Variants in NBPF11 observed in about 807,000 individuals in gnomAD.
The protein encoded by NBPF11 is NBPF family member NBPF11.
Under a neutral mutation model 93.9 loss-of-function variants are expected in NBPF11, and 72 were observed. That is an observed-to-expected ratio of 0.77 (90% confidence interval 0.63 to 0.93). The LOEUF (loss-of-function observed/expected upper bound fraction) is 0.93. Among genes scored for constraint, NBPF11 ranks in the 40% least tolerant of loss-of-function variants. The pLI is 0.00. For missense variants in NBPF11, 705 were observed against 802.2 expected (o/e 0.88, Z 1.46); for synonymous variants, 224 against 304.9 (o/e 0.73, Z 2.76).
chr1:148,151,123 G>C (rs1648206543), intron 1 of NBPF11, among the ~76,000 whole-genome samples: 1 of 151,914 alleles, frequency 6.6e-6, no homozygotes, highest in Non-Finnish European at 1.5e-5. Flanking sequence ...AAGACAGACA[G>C]GCACAGAAAA....
Position 148,103,414 on chromosome 1 carries a change from C to G in NBPF11, c.*482G>C. On this transcript the variant is annotated 3_prime_UTR_variant, in exon 24 of 24. Coordinates refer to ENST00000682118, the MANE Select transcript of NBPF11 (RefSeq NM_001385469.3). ...TGTAGCTACCCAGAGATACGTGGTT[C>G]AAATTAAAATGTCCGACTGATCACT... The G allele has an allele frequency of 1.8e-6, 1 of 569,280 alleles. No homozygotes were observed. The highest frequency in any genetic ancestry group is 5.0e-4 in the Middle Eastern group (1 of 1,982). 35.3% of individuals were successfully genotyped at this position (569,280 alleles called of 1,614,324 possible).
intron 4 of NBPF11, among the ~76,000 whole-genome samples, chr1:148,131,650 CAG>C (rs1473593752): frequency 0.012 from 1,048 of 90,688 alleles, no homozygotes; most frequent in African/African-American, 0.048. Context: ...TAACCAGTTG[CAG>C]AAGTCAAAAC....
chr1:148,123,328 C>G (rs1213174644), intron 7 of NBPF11, among the ~76,000 whole-genome samples: 2 of 152,244 alleles, frequency 1.3e-5, no homozygotes, highest in African/African-American at 2.4e-5. Flanking sequence ...ACATCAAGTG[C>G]CTTCTCCAAC....
chr1:148,149,374 G>A, intron 1 of NBPF11: 1 of 1,595,472 alleles, frequency 6.3e-7, no homozygotes, highest in Non-Finnish European at 8.5e-7. Context: ...CGTCTCCCGT[G>A]CTCATCATCC....
At chr1:148,125,194 G>A (rs1668815787) in intron 5 of NBPF11, among the ~76,000 whole-genome samples, 193 bp from the exon 6 acceptor site, 2 of 151,782 alleles carry the variant, frequency 1.3e-5, no homozygotes, top group Non-Finnish European at 2.9e-5. Context: ...ATTTAAAGAC[G>A]AAGAAAGAGA....
At chr1:148,125,852 C>G (rs1394097879) in intron 5 of NBPF11, among the ~76,000 whole-genome samples, 1 of 151,892 alleles carries the variant, frequency 6.6e-6, no homozygotes, top group Non-Finnish European at 1.5e-5. Context: ...GGCTGAGGGT[C>G]CCTGCTTTGC....
At chr1:148,117,156 T>C (rs1316062212) in intron 12 of NBPF11, among the ~76,000 whole-genome samples, 2 of 151,870 alleles carry the variant, frequency 1.3e-5, no homozygotes, top group Non-Finnish European at 2.9e-5. Flanking sequence ...AGACAATTTG[T>C]CTGCCATGGA....
intron 14 of NBPF11, among the ~76,000 whole-genome samples, 179 bp downstream of exon 14, chr1:148,115,614 G>T (rs1666332385): frequency 6.6e-6 from 1 of 151,784 alleles, no homozygotes; most frequent in African/African-American, 2.4e-5. Flanking sequence ...ACTTGATACT[G>T]GGGACTGGCA....
intron 15 of NBPF11, among the ~76,000 whole-genome samples, chr1:148,114,080 CA>C (rs1407632852): frequency 1.5e-5 from 2 of 132,376 alleles, no homozygotes; most frequent in African/African-American, 5.9e-5. Flanking sequence ...CAAACAAATT[CA>C]AAAGCTAGCA....
Position 148,110,401 on chromosome 1 carries a change from A to G in NBPF11, c.1778T>C (p.Val593Ala). 6.3e-7 allele frequency: 1 copy of G among 1,593,300 alleles called. No individual in the cohort carries two copies. Among genetic ancestry groups the G allele is most frequent in the South Asian group, 1.1e-5 (1 of 90,632 alleles). The change falls in exon 16 of 24, where the codon GTC becomes GCC. Residue 593 changes from valine (V) to alanine (A), a missense_variant. Physicochemically the swap from Val to Ala is moderately conservative, Grantham distance 64. Around this residue, in one of 12 missense-constraint regions of NBPF11, gnomAD observed 19 missense variants for 16.3 expected, o/e 1.17. Coordinates refer to ENST00000682118, the MANE Select transcript of NBPF11 (RefSeq NM_001385469.3). ...STFHSLEEQQ[V>A]CMAVDIGRHR... is the part of the protein sequence containing the mutation. The stretch of plus-strand genomic sequence containing the variant: ...ACTGCCTATGTCAACAGCCATGCAG[A>G]CTTGCTGTTCCTCTAATGAGTGAAA...
intron 19 of NBPF11, among the ~76,000 whole-genome samples, 189 bp from the exon 20 acceptor site, chr1:148,107,303 A>G (rs1663919389): frequency 6.7e-6 from 1 of 149,838 alleles, no homozygotes; most frequent in African/African-American, 2.5e-5. Context: ...AAAGAGAAAG[A>G]CAGGGAGAGG....
intron 7 of NBPF11, 105 bp from the exon 8 acceptor site, chr1:148,122,906 T>C: frequency 6.3e-7 from 1 of 1,595,296 alleles, no homozygotes; most frequent in Non-Finnish European, 8.6e-7. Flanking sequence ...GGTTCAGCAT[T>C]GTACTGAAAA....
At chr1:148,111,744 G>A (rs1665328793) in intron 15 of NBPF11, among the ~76,000 whole-genome samples, 1 of 151,790 alleles carries the variant, frequency 6.6e-6, no homozygotes, top group Non-Finnish European at 1.5e-5. Flanking sequence ...CAATAAATAT[G>A]GGACTATGTG....
At chr1:148,106,111 C>T (rs1159065421) in intron 21 of NBPF11, 70 bp downstream of exon 21, 2 of 620,464 alleles carry the variant, frequency 3.2e-6, no homozygotes, top group South Asian at 1.9e-5. Flanking sequence ...TGTCAGCCCG[C>T]TCTGTTTTCC....
Position 148,112,938 on chromosome 1 carries a change from C to G in NBPF11, c.1637+1499G>C, listed in dbSNP as rs1324572977. Among the ~76,000 whole-genome samples the G allele has an allele frequency of 5.9e-5, 9 of 151,728 alleles. No individual in the cohort carries two copies. The East Asian group carries it at 7.7e-4, about 13-fold the overall frequency. The stretch of plus-strand genomic sequence containing the variant: ...AAATGCTGAGAGATTTTGTCACCAC[C>G]AGGCCTGCCCAAAAAGAGCTCCTAA... On this transcript the variant is annotated intron_variant, in intron 15 of 23. Coordinates refer to ENST00000682118, the MANE Select transcript of NBPF11 (RefSeq NM_001385469.3).
chr1:148,141,398 G>A (rs1409040660), intron 2 of NBPF11, among the ~76,000 whole-genome samples: 1 of 152,004 alleles, frequency 6.6e-6, no homozygotes, highest in African/African-American at 2.4e-5. Context: ...TGGAGGACAG[G>A]GGAGCCTAGG....
intron 1 of NBPF11, among the ~76,000 whole-genome samples, chr1:148,145,581 T>G (rs1408693757): frequency 1.3e-5 from 2 of 151,202 alleles, no homozygotes; most frequent in African/African-American, 4.9e-5. Context: ...GTATATTTCA[T>G]TAAAATTAAG....
intron 9 of NBPF11, 135 bp downstream of exon 9, chr1:148,121,920 G>A: frequency 1.3e-6 from 1 of 788,436 alleles, no homozygotes; most frequent in Non-Finnish European, 2.3e-6. Context: ...GTGATTATAT[G>A]TGTGAGTCAC....
Position 148,149,705 on chromosome 1 carries a change from T to G in NBPF11, c.-549+2045A>C, listed in dbSNP as rs1453069828. On this transcript the variant is annotated intron_variant, in intron 1 of 23. Coordinates refer to ENST00000682118, the MANE Select transcript of NBPF11 (RefSeq NM_001385469.3). ...GCCCCGACCCAGGGGCTGTGGACGA[T>G]GTACAGGCAACAGAGCTACGCACTC... 48 of 605,712 alleles carry G rather than the reference T, an allele frequency of 7.9e-5. 2 individuals are homozygous for G. Among genetic ancestry groups the G allele is most frequent in the Non-Finnish European group, 1.3e-4 (45 of 344,546 alleles). 37.5% of individuals were successfully genotyped at this position (605,712 alleles called of 1,614,324 possible). A position where few individuals can be genotyped will look rare whatever the true frequency, so the allele number is the denominator to read the frequency against.
Sources: allele counts gnomAD v4.1 joint callset (sites outside exome capture counted in the v4.1 genomes callset), GRCh38; gene constraint gnomAD v4.1.1; regional missense constraint gnomAD v4.1.1; transcripts MANE v1.5; gene names NCBI Gene and HGNC (gene_info 2026-07-23, HGNC 2026-07-21).